The following JADE2 variants were observed in gnomAD, a reference collection of about 807,000 sequenced individuals.
The protein encoded by JADE2 is jade family PHD finger 2.
Under a neutral mutation model 85.7 loss-of-function variants are expected in JADE2, and 13 were observed. The observed-to-expected ratio is 0.15, with a 90% CI of 0.10 to 0.24. The LOEUF (loss-of-function observed/expected upper bound fraction) is 0.24, where lower values mean the gene tolerates loss of function less well. Ranked by LOEUF, JADE2 falls within the 10% of genes least tolerant of loss-of-function variation. JADE2 has a pLI of 1.00. For synonymous variants in JADE2, 440 were observed against 456.1 expected (o/e 0.96, Z 0.45); for missense variants, 846 against 1,115.9 (o/e 0.76, Z 3.45).
At chr5:134,560,127 A>C in intron 5 of JADE2, 137 bp downstream of exon 5, 1 of 960,328 alleles carries the variant, frequency 1.0e-6, no homozygotes, top group Non-Finnish European at 1.6e-6. Context: ...GCATTACTGA[A>C]TGGGGACCTC....
Position 134,578,107 on chromosome 5 carries a change from C to T in JADE2, c.1682-387C>T, listed in dbSNP as rs1201063916. Among the ~76,000 whole-genome samples, 1 of 152,212 alleles carries T rather than the reference C, an allele frequency of 6.6e-6. No individual in the cohort carries two copies. Among genetic ancestry groups the T allele is most frequent in the African/African-American group, 2.4e-5 (1 of 41,454 alleles). ...GTTCTTGGTTAATGCTCTGCTGCTG[C>T]CACCTTGAATTTTCTTTCCCATGGC... is the stretch of plus-strand genomic sequence containing the variant. On this transcript the variant is annotated intron_variant, in intron 11 of 11. Transcript: ENST00000681547. This position sits in a 1 kb window ranked among gnomAD's most constrained non-coding sequence, Gnocchi z 4.4.
chr5:134,537,982 T>C lies in JADE2; in HGVS notation c.59-7T>C, dbSNP rs761100182. On this transcript the variant is annotated splice_region_variant and splice_polypyrimidine_tract_variant and intron_variant, in intron 2 of 11. Coordinates refer to ENST00000681547, the MANE Select transcript of JADE2 (RefSeq NM_001388185.1). ...AGGACCCCTAATGGACTGTTCTCTCTCTGCAGGTCATGCGACATCTACATC... is the reference window on the plus strand; with the variant it reads ...AGGACCCCTAATGGACTGTTCTCTCCCTGCAGGTCATGCGACATCTACATC... 9.9e-6 allele frequency: 16 copies of C among 1,612,592 alleles called. No homozygotes were observed. The East Asian group carries it at 2.7e-4, about 27-fold the overall frequency.
rs545148131 is a variant in JADE2 at position 134,579,772 on chromosome 5, G to A, written c.*455G>A. 2.4e-3 allele frequency: 397 copies of A among 165,162 alleles called. 6 individuals carry two copies. Among genetic ancestry groups the A allele is most frequent in the Non-Finnish European group, 5.8e-4 (44 of 76,034 alleles). 10.2% of individuals were successfully genotyped at this position (165,162 alleles called of 1,614,324 possible). ...TTGGGGGGTCCTGCTACACTCCACC[G>A]ATCCCCAAGGAAGTATAATAAACGA... On this transcript the variant is annotated 3_prime_UTR_variant, in exon 12 of 12. Transcript: ENST00000681547. This position sits in a 1 kb window ranked among gnomAD's most constrained non-coding sequence, Gnocchi z 4.6.
rs1290721050 is a variant in JADE2, at chr5:134,583,006, C to A, written c.*3689C>A. 6.6e-6 allele frequency: 1 copy of A among 152,626 alleles called. No homozygotes were observed. The highest frequency in any genetic ancestry group is 2.4e-5 in the African/African-American group (1 of 41,442). The allele number at this position is 152,626 out of a possible 1,614,324, so 9.5% of individuals were successfully genotyped here. On this transcript the variant is annotated 3_prime_UTR_variant, in exon 12 of 12. Coordinates refer to ENST00000681547, the MANE Select transcript of JADE2 (RefSeq NM_001388185.1). Reference sequence around the variant, plus strand: ...TTTTGTACATTGTCCATGTGCGCAACCCTTAACGAGCAATAGAATGTATGG... The same window carrying A: ...TTTTGTACATTGTCCATGTGCGCAAACCTTAACGAGCAATAGAATGTATGG...
upstream of JADE2, among the ~76,000 whole-genome samples, chr5:134,524,143 C>T (rs540299242): frequency 3.9e-5 from 6 of 152,374 alleles, no homozygotes; most frequent in African/African-American, 1.4e-4. Context: ...CTCCCCACAA[C>T]CTCCTCCCGA....
intron 1 of JADE2, chr5:134,533,505 C>G (rs1761379529): frequency 1.0e-6 from 1 of 984,096 alleles, no homozygotes; most frequent in African/African-American, 1.7e-5. Context: ...GCTTTTAATA[C>G]TGTGGGAGAT....
chr5:134,544,015 A>G (rs1581416283), intron 3 of JADE2, among the ~76,000 whole-genome samples: 1 of 152,210 alleles, frequency 6.6e-6, no homozygotes, highest in Admixed American at 6.5e-5. Context: ...GGCCAGCCGC[A>G]TGTTTTGGAG....
Position 134,578,689 on chromosome 5 carries a change from A to C in JADE2, c.1877A>C (p.Asp626Ala), listed in dbSNP as rs1764535195. 6.2e-7 allele frequency: 1 copy of C among 1,613,426 alleles called. No individual in the cohort carries two copies. The highest frequency in any genetic ancestry group is 8.5e-7 in the Non-Finnish European group (1 of 1,179,910). Residue 626 changes from aspartate (D) to alanine (A), a missense_variant, in exon 12 of 12, where the codon GAC becomes GCC. By Grantham distance (126) the Asp-to-Ala change is moderately radical (BLOSUM62 -2). Transcript: ENST00000681547. This position sits in a 1 kb window ranked among gnomAD's most constrained non-coding sequence, Gnocchi z 4.4. Reference sequence around the variant, plus strand: ...GAGACACTGCTCAGCTTCATGCGGGACCCCTCGCTGCGACCTGGTGACCCT... The same window carrying C: ...GAGACACTGCTCAGCTTCATGCGGGCCCCCTCGCTGCGACCTGGTGACCCT... The part of the protein sequence containing the change: ...DEETLLSFMR[D>A]PSLRPGDPAR...
At chr5:134,545,047 C>T (rs1762208126) in intron 3 of JADE2, among the ~76,000 whole-genome samples, 1 of 152,156 alleles carries the variant, frequency 6.6e-6, no homozygotes, top group African/African-American at 2.4e-5. Flanking sequence ...CAGTAAAATG[C>T]AAAATGCCCA....
intron 4 of JADE2, among the ~76,000 whole-genome samples, chr5:134,553,159 CAAGGT>C (rs1762699198): frequency 6.6e-6 from 1 of 151,606 alleles, no homozygotes; most frequent in Non-Finnish European, 1.5e-5. Flanking sequence ...TTCGTAGAGA[CAAGGT>C]CTTGCTATGT....
rs569184458 is a variant in JADE2, at chr5:134,538,139, C to T, written c.153+56C>T. ...TGGGGAGTGAGAGTGAGCTGCCCTG[C>T]GGAGACTGGGGCAGAGCATTCCTGG... is the stretch of plus-strand genomic sequence containing the variant. On this transcript the variant is annotated intron_variant, in intron 3 of 11. Transcript: ENST00000681547. 4.0e-4 allele frequency: 556 copies of T among 1,373,104 alleles called. 8 individuals carry two copies. In the South Asian group the frequency reaches 5.6e-3, roughly 14 times the overall value. The allele number at this position is 1,373,104 out of a possible 1,614,324, so 85.1% of individuals were successfully genotyped here.
intron 1 of JADE2, among the ~76,000 whole-genome samples, chr5:134,535,386 G>A (rs188506103): frequency 6.6e-6 from 1 of 152,114 alleles, no homozygotes; most frequent in African/African-American, 2.4e-5. Context: ...AGTGTTTTCT[G>A]TGCTGGCTTG....
At chr5:134,553,099 T>A (rs937263890) in intron 4 of JADE2, among the ~76,000 whole-genome samples, 2 of 144,996 alleles carry the variant, frequency 1.4e-5, no homozygotes, top group African/African-American at 2.6e-5. Flanking sequence ...CCTCAAGTGA[T>A]CCTCCCACCA....
At chr5:134,530,897 G>T (rs1383638795) in intron 1 of JADE2, among the ~76,000 whole-genome samples, 2 of 152,194 alleles carry the variant, frequency 1.3e-5, no homozygotes, top group African/African-American at 4.8e-5. Flanking sequence ...GACACTTCTT[G>T]GGGGAGGGAG....
intron 3 of JADE2, among the ~76,000 whole-genome samples, chr5:134,539,304 C>T (rs573917764): frequency 6.6e-6 from 1 of 152,244 alleles, no homozygotes; most frequent in Admixed American, 6.5e-5. Context: ...ACCTTGTGAT[C>T]CGCCCGCCTT....
chr5:134,552,987 C>CTTTTTTTTTTTTT (rs34182692), intron 4 of JADE2, among the ~76,000 whole-genome samples: 2 of 62,394 alleles, frequency 3.2e-5, no homozygotes, highest in Non-Finnish European at 5.4e-5. Context: ...TGGGCCTGGC[C>CTTTTTTTTTTTTT]TTTTTTTTTT....
chr5:134,560,942 C>T lies in JADE2; in HGVS notation c.669C>T (p.Asn223=), dbSNP rs946233206. 2.7e-5 allele frequency: 43 copies of T among 1,613,216 alleles called. No homozygotes were observed. Among genetic ancestry groups the T allele is most frequent in the Non-Finnish European group, 3.6e-5 (42 of 1,179,380 alleles). Reference sequence around the variant, plus strand: ...AGATGGTCTTCTGTGACAAGTGCAACGTCTGTGTGCATCAGGTGGGCAGAC... The same window carrying T: ...AGATGGTCTTCTGTGACAAGTGCAATGTCTGTGTGCATCAGGTGGGCAGAC... ...GNEMVFCDKC[N]VCVHQACYGI... is the part of the protein sequence containing the mutation. The change falls in exon 6 of 12, where the codon AAC becomes AAT. Residue 223 remains asparagine (N), a synonymous_variant. Coordinates refer to ENST00000681547, the MANE Select transcript of JADE2 (RefSeq NM_001388185.1).
intron 10 of JADE2, chr5:134,574,002 C>T: frequency 6.7e-6 from 4 of 596,240 alleles, no homozygotes; most frequent in South Asian, 5.1e-5. Context: ...TCAGGCCTGC[C>T]CTCAGGGAGC....
intron 1 of JADE2, chr5:134,526,561 T>A (rs569069701): frequency 2.0e-6 from 2 of 985,244 alleles, no homozygotes; most frequent in Non-Finnish European, 2.4e-6. Context: ...CCGGTGCACA[T>A]GACCTCGCGC....
Sources: gnomAD v4.1 joint callset for allele counts (sites outside exome capture counted in the v4.1 genomes callset) on GRCh38, gnomAD v4.1.1 for gene constraint, Gnocchi (gnomAD v3.1) non-coding constraint, MANE v1.5 for transcripts, NCBI Gene and HGNC (gene_info 2026-07-23, HGNC 2026-07-21) for gene names.